MFSD2B: variants seen among roughly 807,000 people sequenced by gnomAD.
MFSD2B encodes sphingosine-1-phosphate transporter MFSD2B.
In MFSD2B, 56 loss-of-function variants were observed where a neutral mutation model predicts 58.4. The ratio of observed to expected loss-of-function variants is 0.96; its 90% confidence interval spans 0.77 to 1.20. The LOEUF (loss-of-function observed/expected upper bound fraction) is 1.20, where lower values mean the gene tolerates loss of function less well. Ranked by LOEUF, MFSD2B falls within the 50% of genes most tolerant of loss-of-function variation. The pLI is 0.00. For synonymous variants in MFSD2B, 287 were observed against 294.4 expected (o/e 0.97, Z 0.26); for missense variants, 645 against 667.6 (o/e 0.97, Z 0.37).
At chr2:24,010,222 G>T (rs1415107213) in intron 1 of MFSD2B, 30 bp downstream of exon 1, 2 of 1,348,440 alleles carry the variant, frequency 1.5e-6, no homozygotes, top group Non-Finnish European at 1.9e-6. Flanking sequence ...CCGGGAAGGG[G>T]CTGCGTCCTC....
chr2:24,022,767 C>T lies in MFSD2B; in HGVS notation c.979-55C>T, dbSNP rs2150942410. ...ATCTAAAAGCCAAGGCCTTGGGGTC[C>T]CAGGCAAAGGCGCTGGCAGCACGGC... On this transcript the variant is annotated intron_variant, in intron 9 of 13. Coordinates refer to ENST00000338315, the MANE Select transcript of MFSD2B (RefSeq NM_001346880.2). The surrounding 1 kb of genome is among the most constrained non-coding windows in gnomAD (Gnocchi z 4.5). The T allele has an allele frequency of 1.5e-6, 2 of 1,371,436 alleles. No homozygotes were observed. Among genetic ancestry groups the T allele is most frequent in the East Asian group, 2.5e-5 (1 of 40,630 alleles). 85.0% of individuals were successfully genotyped at this position (1,371,436 alleles called of 1,614,324 possible). A position where few individuals can be genotyped will look rare whatever the true frequency, so the allele number is the denominator to read the frequency against.
chr2:24,024,231 A>T lies in MFSD2B; in HGVS notation c.1450A>T (p.Thr484Ser). Reference sequence around the variant, plus strand: ...CCTCATGGTCGGCTCCACTCCAAAGACACCCAGTCGGGACGCCTCCAGCCG... The same window carrying T: ...CCTCATGGTCGGCTCCACTCCAAAGTCACCCAGTCGGGACGCCTCCAGCCG... The part of the protein sequence containing the change: ...CILMVGSTPK[T>S]PSRDASSRLS... The change falls in exon 13 of 14, where the codon ACA (threonine) becomes TCA (serine). Residue 484 changes from threonine to serine, a missense_variant. Physicochemically the swap from Thr to Ser is moderately conservative, Grantham distance 58. Transcript: ENST00000338315. The surrounding 1 kb of genome is among the most constrained non-coding windows in gnomAD (Gnocchi z 4.3). 6.2e-7 allele frequency: 1 copy of T among 1,612,456 alleles called. No individual in the cohort carries two copies. Among genetic ancestry groups the T allele is most frequent in the Non-Finnish European group, 8.5e-7 (1 of 1,179,352 alleles).
intron 6 of MFSD2B, among the ~76,000 whole-genome samples, chr2:24,019,147 G>A (rs951532645): frequency 3.9e-5 from 6 of 152,062 alleles, no homozygotes; most frequent in East Asian, 1.9e-4. Context: ...CACCGCGCTC[G>A]ACCTGTGCTT....
chr2:24,015,236 G>GACCA (rs780464953), intron 2 of MFSD2B, among the ~76,000 whole-genome samples: 3 of 150,228 alleles, frequency 2.0e-5, no homozygotes, highest in South Asian at 4.2e-4. Context: ...AGGTGTTCAA[G>GACCA]ACCAGCCTGG....
At chr2:24,016,082 T>G (rs192743298) in intron 2 of MFSD2B, 74 bp from the exon 3 acceptor site, 2 of 1,585,364 alleles carry the variant, frequency 1.3e-6, no homozygotes, top group Non-Finnish European at 1.7e-6. Context: ...TCCCTCTTGA[T>G]GGCAAGCAGG....
At position 24,017,207 on chromosome 2, in the gene MFSD2B, G is replaced by A; in HGVS notation, c.472-79G>A. On this transcript the variant is annotated intron_variant, in intron 4 of 13. Coordinates refer to ENST00000338315, the MANE Select transcript of MFSD2B (RefSeq NM_001346880.2). This position sits in a 1 kb window ranked among gnomAD's most constrained non-coding sequence, Gnocchi z 4.8. ...CACGTTGGCCTGTGGGTGTCGGGAT[G>A]TGACACCCAGGATGGGGGAGGTCGC... is the stretch of plus-strand genomic sequence containing the variant. The A allele has an allele frequency of 7.0e-7, 1 of 1,429,444 alleles. No homozygotes were observed. Among genetic ancestry groups the A allele is most frequent in the Non-Finnish European group, 9.6e-7 (1 of 1,045,738 alleles). The allele number at this position is 1,429,444 out of a possible 1,614,324, so 88.5% of individuals were successfully genotyped here.
In MFSD2B at chr2:24,017,113, G is replaced by A. The variant is rs1191283005; in HGVS notation, c.471+145G>A. The A allele has an allele frequency of 1.3e-5, 18 of 1,369,786 alleles. No homozygotes were observed. Among genetic ancestry groups the A allele is most frequent in the Admixed American group, 1.0e-4 (5 of 48,072 alleles). The allele number at this position is 1,369,786 out of a possible 1,614,324, so 84.9% of individuals were successfully genotyped here. On this transcript the variant is annotated intron_variant, in intron 4 of 13. Transcript: ENST00000338315. The surrounding 1 kb of genome is among the most constrained non-coding windows in gnomAD (Gnocchi z 4.8). ...TGCCATTGGCACTCGCCAGCCTTGC[G>A]CGGGACTGGCTGCCCCCTCCTGCCT...
chr2:24,012,191 A>T lies in MFSD2B; in HGVS notation c.97-1094A>T, dbSNP rs1708984808. On this transcript the variant is annotated intron_variant, in intron 1 of 13. Transcript: ENST00000338315. The surrounding 1 kb of genome is among the most constrained non-coding windows in gnomAD (Gnocchi z 4.5). ...ACACACACACACACAAAAACAGACA[A>T]AAAAACCCTGCAATAGCAAGCCATT... Among the ~76,000 whole-genome samples the T allele has an allele frequency of 6.6e-6, 1 of 152,048 alleles. No individual in the cohort carries two copies. Among genetic ancestry groups the T allele is most frequent in the Non-Finnish European group, 1.5e-5 (1 of 67,996 alleles).
chr2:24,023,402 G>A lies in MFSD2B; in HGVS notation c.1169+163G>A, dbSNP rs536833910. The A allele has an allele frequency of 8.5e-5, 78 of 913,154 alleles. No individual in the cohort carries two copies. Among genetic ancestry groups the A allele is most frequent in the African/African-American group, 1.8e-4 (11 of 60,712 alleles). The allele number at this position is 913,154 out of a possible 1,614,324, so 56.6% of individuals were successfully genotyped here. A position where few individuals can be genotyped will look rare whatever the true frequency, so the allele number is the denominator to read the frequency against. On this transcript the variant is annotated intron_variant, in intron 11 of 13. Coordinates refer to ENST00000338315, the MANE Select transcript of MFSD2B (RefSeq NM_001346880.2). This position sits in a 1 kb window ranked among gnomAD's most constrained non-coding sequence, Gnocchi z 5.0. ...GAGGACATCAGGCAGTAGGAATGGC[G>A]GGGGGCCGGCAGGGGGCTGGCGGGG...
At chr2:24,014,980 G>A (rs1010794532) in intron 2 of MFSD2B, among the ~76,000 whole-genome samples, 4 of 152,062 alleles carry the variant, frequency 2.6e-5, no homozygotes, top group Admixed American at 6.6e-5. Context: ...TTAGCCAGGC[G>A]TGGTGGCACA....
chr2:24,026,116 A>G lies in MFSD2B; in HGVS notation c.*660A>G, dbSNP rs1381879692. On this transcript the variant is annotated 3_prime_UTR_variant, in exon 14 of 14. Transcript: ENST00000338315. ...CCCGTTCCCAGCTCTAGCATTTCTT[A>G]AGGACAAAATTGGTGTGTAAGTAAC... The G allele has an allele frequency of 5.2e-5, 8 of 152,508 alleles. No homozygotes were observed. Among genetic ancestry groups the G allele is most frequent in the African/African-American group, 1.9e-4 (8 of 41,436 alleles). 9.4% of individuals were successfully genotyped at this position (152,508 alleles called of 1,614,324 possible). A position where few individuals can be genotyped will look rare whatever the true frequency, so the allele number is the denominator to read the frequency against.
Position 24,023,020 on chromosome 2 carries a change from T to C in MFSD2B, c.1060-110T>C. 3.0e-6 allele frequency: 4 copies of C among 1,336,610 alleles called. No individual in the cohort carries two copies. In the South Asian group the frequency reaches 5.0e-5, roughly 17 times the overall value. 82.8% of individuals were successfully genotyped at this position (1,336,610 alleles called of 1,614,324 possible). A position where few individuals can be genotyped will look rare whatever the true frequency, so the allele number is the denominator to read the frequency against. On this transcript the variant is annotated intron_variant, in intron 10 of 13. Transcript: ENST00000338315. The surrounding 1 kb of genome is among the most constrained non-coding windows in gnomAD (Gnocchi z 5.0). ...GTGGATCTGTGTTCCCTTGAGTCTTTAGGGCCTAGCACAGGGCAAGGCATG... is the reference window on the plus strand; with the variant it reads ...GTGGATCTGTGTTCCCTTGAGTCTTCAGGGCCTAGCACAGGGCAAGGCATG...
At position 24,016,272 on chromosome 2, in the gene MFSD2B, C is replaced by T. The variant is rs1709142472; in HGVS notation, c.339C>T (p.Leu113=). ...GCCAGAGGACAGGGTCTGGACGGCT[C>T]ATGCCTTGGTGAGCAACCGCTCAGT... ...NRSQRTGSGR[L]MPWVLGCTPF... The change falls in exon 3 of 14, where the codon CTC becomes CTT. Residue 113 remains leucine (L), a synonymous_variant. Transcript: ENST00000338315. 6.2e-7 allele frequency: 1 copy of T among 1,613,850 alleles called. No homozygotes were observed. Among genetic ancestry groups the T allele is most frequent in the African/African-American group, 1.3e-5 (1 of 75,062 alleles).
chr2:24,023,348 C>A lies in MFSD2B; in HGVS notation c.1169+109C>A. On this transcript the variant is annotated intron_variant, in intron 11 of 13. Coordinates refer to ENST00000338315, the MANE Select transcript of MFSD2B (RefSeq NM_001346880.2). The surrounding 1 kb of genome is among the most constrained non-coding windows in gnomAD (Gnocchi z 5.0). ...CCCAGCCTGTGCAGGAGATGGAGGC[C>A]ACCAGCTCCATCCTCAGAGCCCTCC... The A allele has an allele frequency of 9.9e-7, 1 of 1,010,198 alleles. No homozygotes were observed. The highest frequency in any genetic ancestry group is 1.5e-6 in the Non-Finnish European group (1 of 657,440). The allele number at this position is 1,010,198 out of a possible 1,614,324, so 62.6% of individuals were successfully genotyped here.
intron 2 of MFSD2B, among the ~76,000 whole-genome samples, chr2:24,015,835 A>G (rs955620679): frequency 2.0e-5 from 3 of 152,092 alleles, no homozygotes; most frequent in African/African-American, 4.8e-5. Flanking sequence ...AATCCTTTCC[A>G]TTGTGAAACA....
In MFSD2B at chr2:24,024,358, T is replaced by G; in HGVS notation, c.1490+87T>G. On this transcript the variant is annotated intron_variant, in intron 13 of 13. Transcript: ENST00000338315. This position sits in a 1 kb window ranked among gnomAD's most constrained non-coding sequence, Gnocchi z 4.3. Reference sequence around the variant, plus strand: ...AACACCAGCCTGCAGACATCCCTGCTGTGTCACACAGTCCTGCCTCTGGGA... The same window carrying G: ...AACACCAGCCTGCAGACATCCCTGCGGTGTCACACAGTCCTGCCTCTGGGA... The G allele has an allele frequency of 1.5e-6, 2 of 1,357,518 alleles. No homozygotes were observed. The highest frequency in any genetic ancestry group is 2.0e-6 in the Non-Finnish European group (2 of 995,086). The allele number at this position is 1,357,518 out of a possible 1,614,324, so 84.1% of individuals were successfully genotyped here.
At position 24,022,653 on chromosome 2, in the gene MFSD2B, C is replaced by A; in HGVS notation, c.978+137C>A. ...ACTTTGCTTTGGTCTTGGTCACCTG[C>A]ATTCCAGCAGAGGGTAGAATTGGGG... On this transcript the variant is annotated intron_variant, in intron 9 of 13. Transcript: ENST00000338315. This position sits in a 1 kb window ranked among gnomAD's most constrained non-coding sequence, Gnocchi z 4.5. 1 of 869,852 alleles carries A rather than the reference C, an allele frequency of 1.1e-6. No individual in the cohort carries two copies. 53.9% of individuals were successfully genotyped at this position (869,852 alleles called of 1,614,324 possible). A position where few individuals can be genotyped will look rare whatever the true frequency, so the allele number is the denominator to read the frequency against.
chr2:24,019,125 A>C (rs1196308296), intron 6 of MFSD2B, among the ~76,000 whole-genome samples: 1 of 152,058 alleles, frequency 6.6e-6, no homozygotes, highest in Non-Finnish European at 1.5e-5. Context: ...TGCTGGGATT[A>C]CAGGCGTGAG....
intron 1 of MFSD2B, among the ~76,000 whole-genome samples, chr2:24,011,538 G>A (rs1429214495): frequency 6.6e-6 from 1 of 152,178 alleles, no homozygotes; most frequent in African/African-American, 2.4e-5. Context: ...GCCTGCTGGG[G>A]TGTCCTGCAA....
Sources: gnomAD v4.1 joint callset for allele counts (sites outside exome capture counted in the v4.1 genomes callset) on GRCh38, gnomAD v4.1.1 for gene constraint, Gnocchi (gnomAD v3.1) non-coding constraint, MANE v1.5 for transcripts, NCBI Gene and HGNC (gene_info 2026-07-23, HGNC 2026-07-21) for gene names.